The following MAP3K2 variants were observed in gnomAD, a reference collection of about 807,000 sequenced individuals.
MAP3K2 encodes the protein mitogen-activated protein kinase kinase kinase 2.
In MAP3K2, 24 loss-of-function variants were observed where a neutral mutation model predicts 80.3. The ratio of observed to expected loss-of-function variants is 0.30; its 90% CI spans 0.22 to 0.42. The LOEUF (loss-of-function observed/expected upper bound fraction) is 0.42, where lower values mean the gene tolerates loss of function less well. MAP3K2 is among the 10% of genes least tolerant of loss of function. MAP3K2 has a pLI of 1.00. For missense variants in MAP3K2, 608 were observed against 750.1 expected (o/e 0.81, Z 2.21); for synonymous variants, 244 against 253.7 (o/e 0.96, Z 0.36).
chr2:127,346,156 C>G (rs1026326647), intron 1 of MAP3K2, among the ~76,000 whole-genome samples: 5 of 151,062 alleles, frequency 3.3e-5, no homozygotes, highest in Non-Finnish European at 7.4e-5. Flanking sequence ...AGCAATTACA[C>G]CAACCTTTCA....
At position 127,318,305 on chromosome 2, in the gene MAP3K2, G is replaced by T; in HGVS notation, c.1058C>A (p.Pro353Gln). Residue 353 changes from proline (P) to glutamine (Q), a missense_variant, in exon 13 of 17, where the codon CCG (proline) becomes CAG (glutamine). Physicochemically the swap from Pro to Gln is moderately conservative, Grantham distance 76 (BLOSUM62 -1). Coordinates refer to ENST00000682094, the MANE Select transcript of MAP3K2 (RefSeq NM_001371910.2). ...CAGTTTGCCCAATCTCCAGTTGGTC[G>T]GAGCTCGAGGTGCTGAAAAAGAACA... Reference protein sequence around the residue: ...ISPPSRSPRAPTNWRLGKLLG... With the variant: ...ISPPSRSPRAQTNWRLGKLLG... 1 of 1,588,762 alleles carries T rather than the reference G, an allele frequency of 6.3e-7. No homozygotes were observed. The highest frequency in any genetic ancestry group is 1.4e-5 in the African/African-American group (1 of 73,806).
chr2:127,334,890 C>T (rs1180815667), intron 5 of MAP3K2, among the ~76,000 whole-genome samples: 1 of 151,880 alleles, frequency 6.6e-6, no homozygotes, highest in Non-Finnish European at 1.5e-5. Flanking sequence ...CCTACCTCAG[C>T]CTCCCAGGTA....
Position 127,305,233 on chromosome 2 carries a change from C to T in MAP3K2, c.*2346G>A, listed in dbSNP as rs1030188001. On this transcript the variant is annotated 3_prime_UTR_variant, in exon 17 of 17. Coordinates refer to ENST00000682094, the MANE Select transcript of MAP3K2 (RefSeq NM_001371910.2). The stretch of plus-strand genomic sequence containing the variant: ...ACACAAGACAGATATGAAGGAAAAG[C>T]CCACTGGTCAAGGACCATGATCTTG... 1 of 152,510 alleles carries T rather than the reference C, an allele frequency of 6.6e-6. No homozygotes were observed. The highest frequency in any genetic ancestry group is 6.6e-5 in the Admixed American group (1 of 15,244). 9.4% of individuals were successfully genotyped at this position (152,510 alleles called of 1,614,324 possible).
At chr2:127,353,571 G>C (rs925373899) in intron 1 of MAP3K2, among the ~76,000 whole-genome samples, 10 of 151,622 alleles carry the variant, frequency 6.6e-5, no homozygotes, top group African/African-American at 2.4e-4. Flanking sequence ...GGGAGGTGGG[G>C]GGGGTCAGCC....
At chr2:127,384,413 T>G (rs1392646486) in intron 1 of MAP3K2, among the ~76,000 whole-genome samples, 1 of 152,146 alleles carries the variant, frequency 6.6e-6, no homozygotes, top group African/African-American at 2.4e-5. Context: ...ATTGAAAACC[T>G]TCTGGAAAGG....
rs916466643 is a variant in MAP3K2 at position 127,307,405 on chromosome 2, A to T, written c.*174T>A. 2.5e-6 allele frequency: 1 copy of T among 406,928 alleles called. No homozygotes were observed. Among genetic ancestry groups the T allele is most frequent in the East Asian group, 3.8e-5 (1 of 26,580 alleles). The allele number at this position is 406,928 out of a possible 1,614,324, so 25.2% of individuals were successfully genotyped here. The stretch of plus-strand genomic sequence containing the variant: ...GGGAAAAAAAGATTAAATATAAAAA[A>T]TTTAGGATATTATTATTATTAAACA... On this transcript the variant is annotated 3_prime_UTR_variant, in exon 17 of 17. Transcript: ENST00000682094. The surrounding 1 kb of genome is among the most constrained non-coding windows in gnomAD (Gnocchi z 5.4).
intron 5 of MAP3K2, among the ~76,000 whole-genome samples, chr2:127,333,398 T>C (rs1686301062): frequency 6.6e-6 from 1 of 152,102 alleles, no homozygotes; most frequent in African/African-American, 2.4e-5. Context: ...TCTAGCCAAC[T>C]AGAAGTTTAT....
intron 1 of MAP3K2, among the ~76,000 whole-genome samples, chr2:127,353,839 T>C (rs1176590436): frequency 6.6e-6 from 1 of 151,944 alleles, no homozygotes; most frequent in East Asian, 1.9e-4. Context: ...AATCGGATGG[T>C]TGCTGTGTCT....
At chr2:127,324,575 A>G (rs2104824802) in intron 9 of MAP3K2, among the ~76,000 whole-genome samples, 1 of 152,280 alleles carries the variant, frequency 6.6e-6, no homozygotes, top group Admixed American at 6.5e-5. Context: ...AAAAAAGATA[A>G]TTTCCAACTA....
chr2:127,350,141 G>C (rs967343437), intron 1 of MAP3K2, among the ~76,000 whole-genome samples: 1 of 152,038 alleles, frequency 6.6e-6, no homozygotes, highest in African/African-American at 2.4e-5. Flanking sequence ...GGAGGTAATT[G>C]CAAAATGAGC....
intron 3 of MAP3K2, among the ~76,000 whole-genome samples, chr2:127,338,655 A>C (rs1686419325): frequency 6.6e-6 from 1 of 152,148 alleles, no homozygotes; most frequent in Non-Finnish European, 1.5e-5. Context: ...TCCTGAAAGG[A>C]CATGATTTTG....
intron 1 of MAP3K2, among the ~76,000 whole-genome samples, chr2:127,353,085 A>G (rs1287691578): frequency 1.3e-5 from 2 of 151,990 alleles, no homozygotes; most frequent in East Asian, 1.9e-4. Context: ...TTGGCCTCCC[A>G]AAGTGCCGAG....
chr2:127,350,178 A>C (rs143628989), intron 1 of MAP3K2, among the ~76,000 whole-genome samples: 19 of 152,252 alleles, frequency 1.2e-4, no homozygotes, highest in South Asian at 4.1e-4. Context: ...AACCAGAAAG[A>C]AAGCACATAA....
chr2:127,321,837 T>C lies in MAP3K2; in HGVS notation c.1045+209A>G, dbSNP rs1686026082. Among the ~76,000 whole-genome samples, 1 of 152,236 alleles carries C rather than the reference T, an allele frequency of 6.6e-6. No individual in the cohort carries two copies. The highest frequency in any genetic ancestry group is 6.5e-5 in the Admixed American group (1 of 15,280). ...GACTAGTTGGTAATAATTTTCCTAATACAAGTGAAGAACAGAATTATCTAA... is the reference window on the plus strand; with the variant it reads ...GACTAGTTGGTAATAATTTTCCTAACACAAGTGAAGAACAGAATTATCTAA... On this transcript the variant is annotated intron_variant, in intron 12 of 16. Transcript: ENST00000682094. This position sits in a 1 kb window ranked among gnomAD's most constrained non-coding sequence, Gnocchi z 4.4.
chr2:127,330,929 C>A (rs1240617829), intron 5 of MAP3K2, among the ~76,000 whole-genome samples: 1 of 152,146 alleles, frequency 6.6e-6, no homozygotes, highest in Non-Finnish European at 1.5e-5. Flanking sequence ...CAAATTTGCA[C>A]TCTCAGCTGG....
At chr2:127,376,664 A>T (rs1475916160) in intron 1 of MAP3K2, among the ~76,000 whole-genome samples, 2 of 152,180 alleles carry the variant, frequency 1.3e-5, no homozygotes, top group Non-Finnish European at 2.9e-5. Flanking sequence ...CTGACCCTCA[A>T]TGAATACATG....
chr2:127,361,192 A>T (rs2104872989), intron 1 of MAP3K2, among the ~76,000 whole-genome samples: 1 of 151,954 alleles, frequency 6.6e-6, no homozygotes, highest in East Asian at 1.9e-4. Flanking sequence ...AGGCGCCTGT[A>T]GTCCCAGCTA....
intron 1 of MAP3K2, among the ~76,000 whole-genome samples, chr2:127,373,353 A>G (rs1283219997): frequency 1.3e-5 from 2 of 152,316 alleles, no homozygotes; most frequent in African/African-American, 4.8e-5. Flanking sequence ...CTCCTTGGAA[A>G]TATCTTGGAT....
chr2:127,332,722 C>CTAG (rs1425904399), intron 5 of MAP3K2, among the ~76,000 whole-genome samples: 2 of 152,148 alleles, frequency 1.3e-5, no homozygotes, highest in Admixed American at 6.5e-5. Flanking sequence ...GATATAAATG[C>CTAG]TTTCTAGAAA....
Sources: gnomAD v4.1 joint callset for allele counts (sites outside exome capture counted in the v4.1 genomes callset) on GRCh38, gnomAD v4.1.1 for gene constraint, Gnocchi (gnomAD v3.1) non-coding constraint, MANE v1.5 for transcripts, NCBI Gene and HGNC (gene_info 2026-07-23, HGNC 2026-07-21) for gene names.